MIER3: variants seen among roughly 807,000 people sequenced by gnomAD.
MIER3 encodes the protein mesoderm induction early response protein 3.
A neutral mutation model predicts 63.2 loss-of-function variants in MIER3; 9 were observed. The ratio of observed to expected loss-of-function variants is 0.14; its 90% CI spans 0.09 to 0.25. The LOEUF is 0.25. Among genes scored for constraint, MIER3 ranks in the 10% least tolerant of loss-of-function variants. MIER3 has a pLI of 1.00. For missense variants in MIER3, 512 were observed against 666.2 expected, an observed-to-expected ratio of 0.77 and a Z score of 2.55; for synonymous variants, 205 against 224.9, an observed-to-expected ratio of 0.91 and a Z score of 0.79.
intron 3 of MIER3, 129 bp downstream of exon 3, chr5:56,946,797 T>G: frequency 1.4e-6 from 1 of 701,140 alleles, no homozygotes; most frequent in Non-Finnish European, 2.2e-6. Flanking sequence ...CTTATTAGGC[T>G]ATCCCCCAAA....
At chr5:56,931,051 C>T (rs1435216847) in intron 8 of MIER3, among the ~76,000 whole-genome samples, 1 of 152,112 alleles carries the variant, frequency 6.6e-6, no homozygotes, top group East Asian at 1.9e-4. Context: ...AGAGTTTCCC[C>T]TATTTTAGAT....
chr5:56,943,398 G>A (rs1454860347), intron 3 of MIER3, among the ~76,000 whole-genome samples: 1 of 151,924 alleles, frequency 6.6e-6, no homozygotes, highest in African/African-American at 2.4e-5. Flanking sequence ...AGGTTAGCCT[G>A]GGATATCACA....
intron 10 of MIER3, 152 bp downstream of exon 10, chr5:56,928,613 ATC>A (rs1300120938): frequency 3.9e-6 from 2 of 518,500 alleles, no homozygotes; most frequent in Non-Finnish European, 6.8e-6. Context: ...AGGCTGTGGC[ATC>A]TCTGAGCAAA....
intron 10 of MIER3, among the ~76,000 whole-genome samples, chr5:56,927,060 T>C (rs956181302): frequency 6.6e-6 from 1 of 151,996 alleles, no homozygotes; most frequent in East Asian, 1.9e-4. Context: ...AATAAAAAGA[T>C]CAATGGCTGC....
intron 2 of MIER3, among the ~76,000 whole-genome samples, chr5:56,949,255 G>A (rs900080203): frequency 9.9e-5 from 15 of 152,120 alleles, no homozygotes; most frequent in Non-Finnish European, 1.9e-4. Flanking sequence ...CCACCTGGGA[G>A]GCTGAGGCAG....
At chr5:56,925,171 CG>C (rs1749902681) in intron 10 of MIER3, among the ~76,000 whole-genome samples, 1 of 152,062 alleles carries the variant, frequency 6.6e-6, no homozygotes, top group African/African-American at 2.4e-5. Context: ...TTAAATTATA[CG>C]CTTTATCTCA....
intron 7 of MIER3, 87 bp downstream of exon 7, chr5:56,935,341 G>A: frequency 4.0e-6 from 4 of 1,004,670 alleles, no homozygotes; most frequent in Non-Finnish European, 5.8e-6. Context: ...CTATTGCCAA[G>A]GCTGGTATAA....
chr5:56,925,285 A>G (rs1233679144), intron 10 of MIER3: 4 of 448,498 alleles, frequency 8.9e-6, no homozygotes, highest in African/African-American at 6.0e-5. Context: ...AAAGAAATAA[A>G]AAGTATACAG....
At chr5:56,948,605 G>A (rs1235948003) in intron 2 of MIER3, among the ~76,000 whole-genome samples, 1 of 152,062 alleles carries the variant, frequency 6.6e-6, no homozygotes, top group East Asian at 1.9e-4. Flanking sequence ...GGAGGTCGAG[G>A]CTGTAGTGAG....
rs376098470 is a variant in MIER3 at position 56,950,704 on chromosome 5, G to C, written c.10-52C>G. On this transcript the variant is annotated intron_variant, in intron 1 of 12. Transcript: ENST00000381199. ...GTTAGATCGCACAGCCAGGGAAAGAGGCAGCGCCGGCAACAGGGCGCAGAG... is the reference window on the plus strand; with the variant it reads ...GTTAGATCGCACAGCCAGGGAAAGACGCAGCGCCGGCAACAGGGCGCAGAG... 1.8e-3 allele frequency: 2,958 copies of C among 1,603,712 alleles called. 5 individuals carry two copies. Among genetic ancestry groups the C allele is most frequent in the Non-Finnish European group, 2.3e-3 (2,657 of 1,173,236 alleles).
chr5:56,941,148 A>G (rs1750631238), intron 3 of MIER3: 1 of 985,420 alleles, frequency 1.0e-6, no homozygotes. Context: ...GGAGGAACTT[A>G]GTGGGAGTAA....
Position 56,920,246 on chromosome 5 carries a change from G to A in MIER3, c.*2882C>T, listed in dbSNP as rs1749605115. The A allele has an allele frequency of 6.6e-6, 1 of 152,394 alleles. No homozygotes were observed. Among genetic ancestry groups the A allele is most frequent in the African/African-American group, 2.4e-5 (1 of 41,392 alleles). The allele number at this position is 152,394 out of a possible 1,614,324, so 9.4% of individuals were successfully genotyped here. ...AATTCAGCAGCTGACCATGACAAGAGGAAAACTAAACATTTAAAAAGCTAG... is the reference window on the plus strand; with the variant it reads ...AATTCAGCAGCTGACCATGACAAGAAGAAAACTAAACATTTAAAAAGCTAG... On this transcript the variant is annotated 3_prime_UTR_variant, in exon 13 of 13. Transcript: ENST00000381199.
Position 56,932,898 on chromosome 5 carries a change from T to A in MIER3, c.747+349A>T, listed in dbSNP as rs566218109. ...CAGTATGTTGAAATTTAGGGAAAAA[T>A]TTTTTTTAAAAAGTATAGGATAGAC... On this transcript the variant is annotated intron_variant, in intron 8 of 12. Transcript: ENST00000381199. 5.9e-5 allele frequency among the ~76,000 whole-genome samples: 9 copies of A among 151,828 alleles called. No individual in the cohort carries two copies. In the South Asian group the frequency reaches 1.7e-3, roughly 28 times the overall value.
intron 2 of MIER3, among the ~76,000 whole-genome samples, chr5:56,947,939 T>C (rs115966171): frequency 0.011 from 1,636 of 152,214 alleles, 35 homozygotes; most frequent in African/African-American, 0.036. Flanking sequence ...ATCAAATTTA[T>C]AAAAAAACAG....
At position 56,923,563 on chromosome 5, in the gene MIER3, G is replaced by A. The variant is rs537967837; in HGVS notation, c.1218C>T (p.Thr406=). The A allele has an allele frequency of 4.4e-5, 71 of 1,613,830 alleles. No individual in the cohort carries two copies. In the East Asian group the frequency reaches 5.8e-4, roughly 13 times the overall value. The change falls in exon 13 of 13, where the codon ACC becomes ACT. Residue 406 remains threonine, a synonymous_variant. Coordinates refer to ENST00000381199, the MANE Select transcript of MIER3 (RefSeq NM_001297599.2). ...DLTALTNSVA[T]VCDPTDVNCL... is the part of the protein sequence containing the mutation. ...AATTCACATCTGTGGGGTCGCAGAC[G>A]GTTGCTACACTGTTGGTCAAAGCTA... is the stretch of plus-strand genomic sequence containing the variant.
chr5:56,947,034 G>A lies in MIER3; in HGVS notation c.72C>T (p.Pro24=). The A allele has an allele frequency of 6.2e-7, 1 of 1,609,520 alleles. No homozygotes were observed. Among genetic ancestry groups the A allele is most frequent in the South Asian group, 1.1e-5 (1 of 89,934 alleles). The change falls in exon 3 of 13, where the codon CCC becomes CCT. Residue 24 remains proline, a synonymous_variant. Transcript: ENST00000381199. ...SLSSEDHDFD[P]TAEMLVHDYD... ...AGTCATGGACCAACATCTCAGCAGTGGGGTCAAAATCATGATCCTCAGAAG... is the reference window on the plus strand; with the variant it reads ...AGTCATGGACCAACATCTCAGCAGTAGGGTCAAAATCATGATCCTCAGAAG...
At chr5:56,948,929 C>T (rs529340719) in intron 2 of MIER3, among the ~76,000 whole-genome samples, 63 of 152,284 alleles carry the variant, frequency 4.1e-4, no homozygotes, top group Middle Eastern at 3.4e-3. Flanking sequence ...ATCGAAGGAC[C>T]TGAGGGTCTA....
chr5:56,934,378 G>A (rs1244529663), intron 7 of MIER3, among the ~76,000 whole-genome samples: 6 of 152,160 alleles, frequency 3.9e-5, no homozygotes, highest in Non-Finnish European at 8.8e-5. Context: ...AAGTGAAATA[G>A]GTAAAACAAT....
chr5:56,935,587 C>T, intron 6 of MIER3, 79 bp downstream of exon 6: 1 of 1,521,552 alleles, frequency 6.6e-7, no homozygotes, highest in Middle Eastern at 1.8e-4. Context: ...TTCTACAAGT[C>T]AAAACAACAA....
Sources: gnomAD v4.1 joint callset for allele counts (sites outside exome capture counted in the v4.1 genomes callset) on GRCh38, gnomAD v4.1.1 for gene constraint, MANE v1.5 for transcripts, NCBI Gene and HGNC (gene_info 2026-07-23, HGNC 2026-07-21) for gene names.